SNTG1: variants seen among roughly 807,000 people sequenced by gnomAD.
SNTG1 encodes the protein gamma-1-syntrophin.
In SNTG1, 39 loss-of-function variants were observed where a neutral mutation model predicts 74.7. That is an observed-to-expected ratio of 0.52 (90% CI 0.40 to 0.68). The LOEUF (loss-of-function observed/expected upper bound fraction) is 0.68, where lower values mean the gene tolerates loss of function less well. SNTG1 is among the 30% of genes least tolerant of loss of function. The pLI is 0.00. For missense variants in SNTG1, 685 were observed against 609.5 expected, an observed-to-expected ratio of 1.12 and a Z score of -1.30; for synonymous variants, 254 against 217.1, an observed-to-expected ratio of 1.17 and a Z score of -1.49.
At chr8:50,075,766 CT>C (rs1821813360) in intron 1 of SNTG1, among the ~76,000 whole-genome samples, 2 of 152,142 alleles carry the variant, frequency 1.3e-5, no homozygotes, top group South Asian at 2.1e-4. Flanking sequence ...CACGAACCCC[CT>C]GGGAGGAATG....
intron 2 of SNTG1, among the ~76,000 whole-genome samples, chr8:50,296,413 C>T (rs1274862231): frequency 6.6e-6 from 1 of 152,146 alleles, no homozygotes; most frequent in Non-Finnish European, 1.5e-5. Context: ...CACATATACA[C>T]CATGGAATAC....
At chr8:50,474,180 CTA>C (rs1443146511) in intron 8 of SNTG1, among the ~76,000 whole-genome samples, 1 of 151,964 alleles carries the variant, frequency 6.6e-6, no homozygotes, top group Non-Finnish European at 1.5e-5. Context: ...GACTTCACGT[CTA>C]AAACACCAAA....
chr8:50,069,773 T>A (rs1821206216), intron 1 of SNTG1, among the ~76,000 whole-genome samples: 1 of 151,202 alleles, frequency 6.6e-6, no homozygotes, highest in Non-Finnish European at 1.5e-5. Flanking sequence ...CCTGCCCTGC[T>A]ACTTGCTCTG....
chr8:50,635,863 C>G (rs1312178875), intron 13 of SNTG1, among the ~76,000 whole-genome samples: 1 of 152,046 alleles, frequency 6.6e-6, no homozygotes, highest in Non-Finnish European at 1.5e-5. Flanking sequence ...CAAAAAGCAT[C>G]AAAACTACCA....
At chr8:50,708,697 A>G in intron 16 of SNTG1, 189 bp from the exon 17 acceptor site, 1 of 555,550 alleles carries the variant, frequency 1.8e-6, no homozygotes. Context: ...AAGTTAAATA[A>G]AACCCAACAC....
intron 4 of SNTG1, among the ~76,000 whole-genome samples, chr8:50,436,718 G>A (rs754095835): frequency 9.2e-5 from 14 of 151,988 alleles, no homozygotes; most frequent in Non-Finnish European, 2.1e-4. Flanking sequence ...CATTTAATGA[G>A]AAATAACAAA....
chr8:50,719,371 G>A (rs1244812928), intron 17 of SNTG1, among the ~76,000 whole-genome samples: 1 of 152,086 alleles, frequency 6.6e-6, no homozygotes, highest in African/African-American at 2.4e-5. Context: ...ACGGGAGAAG[G>A]CAGCAACAAG....
At chr8:50,507,459 C>T (rs562252666) in intron 9 of SNTG1, among the ~76,000 whole-genome samples, 24 of 151,866 alleles carry the variant, frequency 1.6e-4, no homozygotes, top group African/African-American at 5.6e-4. Context: ...GGTCATGGGC[C>T]CTTCGTATTT....
rs369876160 is a variant in SNTG1 at position 50,193,260 on chromosome 8, A to G, written c.-28+20625A>G. Among the ~76,000 whole-genome samples, 4 of 152,066 alleles carry G rather than the reference A, an allele frequency of 2.6e-5. No homozygotes were observed. The East Asian group carries it at 7.7e-4, about 29-fold the overall frequency. On this transcript the variant is annotated intron_variant, in intron 2 of 18. Coordinates refer to ENST00000642720, the MANE Select transcript of SNTG1 (RefSeq NM_018967.5). Reference sequence around the variant, plus strand: ...TTGGCAGTATGGTCATTTTCACAACATTGTTTCTACCTATCCATGAGCATG... The same window carrying G: ...TTGGCAGTATGGTCATTTTCACAACGTTGTTTCTACCTATCCATGAGCATG...
At chr8:50,396,647 C>G (rs1408799283) in intron 3 of SNTG1, among the ~76,000 whole-genome samples, 1 of 152,168 alleles carries the variant, frequency 6.6e-6, no homozygotes, top group Non-Finnish European at 1.5e-5. Context: ...ATTTTATTAT[C>G]TCTGCCTACT....
intron 2 of SNTG1, among the ~76,000 whole-genome samples, chr8:50,382,630 CT>C (rs1353760051): frequency 1.3e-5 from 2 of 152,058 alleles, no homozygotes; most frequent in African/African-American, 2.4e-5. Flanking sequence ...AAATAAACTA[CT>C]TTCAATATTT....
rs369402321 is a variant in SNTG1 at position 49,985,235 on chromosome 8, G to A, written c.-103+73004G>A. ...CGCCCAGGCTGGAGTGTAGTGGCAC[G>A]ATCTCCACTCACTGCCACCTCTGCC... On this transcript the variant is annotated intron_variant, in intron 1 of 18. Transcript: ENST00000642720. 1.8e-4 allele frequency among the ~76,000 whole-genome samples: 27 copies of A among 152,180 alleles called. 1 individual carries two copies. Among genetic ancestry groups the A allele is most frequent in the African/African-American group, 5.3e-4 (22 of 41,524 alleles).
chr8:49,932,516 T>C (rs888241007), intron 1 of SNTG1, among the ~76,000 whole-genome samples: 5 of 152,094 alleles, frequency 3.3e-5, no homozygotes, highest in Non-Finnish European at 7.4e-5. Context: ...ACATGGTTTC[T>C]ATCCATCTCA....
chr8:50,116,174 A>G (rs549271277), intron 1 of SNTG1, among the ~76,000 whole-genome samples: 38 of 152,204 alleles, frequency 2.5e-4, no homozygotes, highest in Non-Finnish European at 4.0e-4. Flanking sequence ...GTGACTTCCA[A>G]CAGTTAAATT....
intron 1 of SNTG1, among the ~76,000 whole-genome samples, chr8:49,998,475 C>T (rs887335234): frequency 2.6e-5 from 4 of 152,090 alleles, no homozygotes; most frequent in Non-Finnish European, 2.9e-5. Flanking sequence ...GCTTAACACA[C>T]AGACACATTA....
chr8:50,777,234 T>A lies in SNTG1; in HGVS notation c.1396-15437T>A, dbSNP rs147528628. Among the ~76,000 whole-genome samples the A allele has an allele frequency of 8.5e-3, 1,251 of 147,118 alleles. 46 individuals are homozygous for A. Among genetic ancestry groups the A allele is most frequent in the Admixed American group, 0.073 (1,062 of 14,602 alleles). On this transcript the variant is annotated intron_variant, in intron 18 of 18. Coordinates refer to ENST00000642720, the MANE Select transcript of SNTG1 (RefSeq NM_018967.5). Reference sequence around the variant, plus strand: ...CATGAATAGCATATATATATATATATAATAATATAATATATATAATATATA... The same window carrying A: ...CATGAATAGCATATATATATATATAAAATAATATAATATATATAATATATA...
intron 1 of SNTG1, among the ~76,000 whole-genome samples, chr8:49,922,484 A>G (rs1806638457): frequency 6.6e-6 from 1 of 152,046 alleles, no homozygotes; most frequent in South Asian, 2.1e-4. Context: ...CATTAATGGG[A>G]GCATTTACAT....
At chr8:50,286,052 A>G (rs1186569550) in intron 2 of SNTG1, among the ~76,000 whole-genome samples, 2 of 152,104 alleles carry the variant, frequency 1.3e-5, no homozygotes, top group African/African-American at 4.8e-5. Flanking sequence ...CTAACATTAT[A>G]TACACATGTT....
chr8:49,959,537 C>T (rs1810493875), intron 1 of SNTG1, among the ~76,000 whole-genome samples: 1 of 152,216 alleles, frequency 6.6e-6, no homozygotes, highest in Non-Finnish European at 1.5e-5. Flanking sequence ...TAAATGGAAT[C>T]ATACAATATA....
Sources: allele counts gnomAD v4.1 joint callset (sites outside exome capture counted in the v4.1 genomes callset), GRCh38; gene constraint gnomAD v4.1.1; transcripts MANE v1.5; gene names NCBI Gene and HGNC (gene_info 2026-07-23, HGNC 2026-07-21).